Variants in ALDH3A2 observed in about 807,000 individuals in gnomAD.
ALDH3A2 encodes the protein aldehyde dehydrogenase family 3 member A2.
In ALDH3A2, 36 loss-of-function variants were observed where a neutral mutation model predicts 51.3. The ratio of observed to expected loss-of-function variants is 0.70; its 90% CI spans 0.54 to 0.93. The LOEUF is 0.93. ALDH3A2 is among the 40% of genes least tolerant of loss of function. The pLI, the probability that ALDH3A2 is intolerant of heterozygous loss-of-function variation, is 0.00. For missense variants in ALDH3A2, 552 were observed against 603.1 expected, an observed-to-expected ratio of 0.92 and a Z score of 0.89; for synonymous variants, 199 against 219.8, an observed-to-expected ratio of 0.91 and a Z score of 0.84.
chr17:19,671,600 A>C, intron 8 of ALDH3A2, 121 bp from the exon 9 acceptor site: 1 of 847,826 alleles, frequency 1.2e-6, no homozygotes, highest in Non-Finnish European at 2.0e-6. Flanking sequence ...CAGCTGGCAG[A>C]GATGTTCAGT....
chr17:19,658,290 A>G (rs887859653), intron 5 of ALDH3A2, among the ~76,000 whole-genome samples: 2 of 152,212 alleles, frequency 1.3e-5, no homozygotes, highest in African/African-American at 4.8e-5. Flanking sequence ...ACTTAATTAA[A>G]TAACTACTTA....
intron 1 of ALDH3A2, chr17:19,649,372 T>C: frequency 1.9e-6 from 1 of 526,712 alleles, no homozygotes; most frequent in South Asian, 2.8e-5. Flanking sequence ...TCCATTTTTC[T>C]GTTACATTTG....
At chr17:19,671,093 G>A (rs2085106936) in intron 8 of ALDH3A2, among the ~76,000 whole-genome samples, 1 of 152,228 alleles carries the variant, frequency 6.6e-6, no homozygotes, top group African/African-American at 2.4e-5. Flanking sequence ...CAATGAATTA[G>A]AGAAATGAAA....
In ALDH3A2 at chr17:19,662,425, TG is replaced by T. The variant is rs372538604; in HGVS notation, c.941-903del. On this transcript the variant is annotated intron_variant, in intron 6 of 9. Coordinates refer to ENST00000176643, the MANE Select transcript of ALDH3A2 (RefSeq NM_000382.3). The stretch of plus-strand genomic sequence containing the variant: ...ATTGCCAAGATAACCTATTAGAAAC[TG>T]GGGGTAAAGGAAAAGTGCCAACTTG... 1.1e-3 allele frequency among the ~76,000 whole-genome samples: 175 copies of T among 152,302 alleles called. 2 individuals carry two copies. In the East Asian group the frequency reaches 0.023, roughly 20 times the overall value.
At chr17:19,657,449 G>C (rs991787665) in intron 4 of ALDH3A2, among the ~76,000 whole-genome samples, 2 of 152,208 alleles carry the variant, frequency 1.3e-5, no homozygotes, top group African/African-American at 4.8e-5. Context: ...GACATTGGGA[G>C]GCTGTTTCTC....
chr17:19,657,579 T>A, intron 4 of ALDH3A2, 166 bp from the exon 5 acceptor site: 2 of 660,946 alleles, frequency 3.0e-6, no homozygotes, highest in South Asian at 3.5e-5. Context: ...ACTTTCTAAG[T>A]TCCAAACAAC....
chr17:19,653,561 C>T (rs951060206), intron 3 of ALDH3A2, among the ~76,000 whole-genome samples: 9 of 150,308 alleles, frequency 6.0e-5, no homozygotes, highest in African/African-American at 9.8e-5. Context: ...GCTCTTAAGG[C>T]GGCGCATCTG....
chr17:19,670,365 A>T (rs1319018925), intron 8 of ALDH3A2, among the ~76,000 whole-genome samples: 3 of 151,764 alleles, frequency 2.0e-5, no homozygotes, highest in Non-Finnish European at 2.9e-5. Flanking sequence ...AATTTCCTTC[A>T]TGTCAGTTTT....
intron 8 of ALDH3A2, among the ~76,000 whole-genome samples, chr17:19,671,373 C>T (rs1347885401): frequency 6.6e-6 from 1 of 152,222 alleles, no homozygotes; most frequent in South Asian, 2.1e-4. Context: ...CCCTTTCCCT[C>T]TCTGGAAATG....
At chr17:19,650,501 C>T (rs1346238291) in intron 1 of ALDH3A2, among the ~76,000 whole-genome samples, 1 of 151,682 alleles carries the variant, frequency 6.6e-6, no homozygotes, top group Non-Finnish European at 1.5e-5. Flanking sequence ...TCTCCCAGGC[C>T]GGACTGCAGT....
chr17:19,659,885 A>G (rs2084945465), intron 5 of ALDH3A2, among the ~76,000 whole-genome samples: 1 of 151,736 alleles, frequency 6.6e-6, no homozygotes, highest in Non-Finnish European at 1.5e-5. Context: ...CAGGAAGTTC[A>G]GGACAATAGT....
intron 3 of ALDH3A2, among the ~76,000 whole-genome samples, chr17:19,653,462 G>A (rs1261775345): frequency 1.3e-5 from 2 of 152,102 alleles, no homozygotes; most frequent in East Asian, 1.9e-4. Context: ...TCTGATGTTC[G>A]GACATGTTCG....
At chr17:19,648,649 C>T, upstream of ALDH3A2, 1 of 424,480 alleles carries the variant, frequency 2.4e-6, no homozygotes, top group South Asian at 2.5e-5. Flanking sequence ...CAGCCCGCTG[C>T]CAGAGCCGGG....
intron 3 of ALDH3A2, 80 bp downstream of exon 3, chr17:19,652,712 A>G (rs1422459203): frequency 1.6e-6 from 2 of 1,255,030 alleles, no homozygotes; most frequent in Non-Finnish European, 2.3e-6. Context: ...ATTGCATGTT[A>G]TTGCTGGCCG....
chr17:19,648,796 TG>T lies in ALDH3A2; in HGVS notation c.-174del. On this transcript the variant is annotated 5_prime_UTR_variant, in exon 1 of 10. Transcript: ENST00000176643. ...GACTGGCAGTGGGACTCAGCGGGCGTGGAGGTCGCGGCTGAGCGAGCGAGCC... is the reference window on the plus strand; with the variant it reads ...GACTGGCAGTGGGACTCAGCGGGCGTGAGGTCGCGGCTGAGCGAGCGAGCC... 1.2e-6 allele frequency: 1 copy of T among 836,670 alleles called. No individual in the cohort carries two copies. The highest frequency in any genetic ancestry group is 1.9e-6 in the Non-Finnish European group (1 of 540,088). 51.8% of individuals were successfully genotyped at this position (836,670 alleles called of 1,614,324 possible). A position where few individuals can be genotyped will look rare whatever the true frequency, so the allele number is the denominator to read the frequency against.
Position 19,660,573 on chromosome 17 carries a change from T to C in ALDH3A2, c.799-554T>C, listed in dbSNP as rs146271443. Among the ~76,000 whole-genome samples the C allele has an allele frequency of 6.3e-4, 96 of 152,360 alleles. 2 individuals are homozygous for C. Among genetic ancestry groups the C allele is most frequent in the South Asian group, 4.4e-3 (21 of 4,824 alleles). ...GTAATTTACCAAAGCTGTATTTTGATCCTTCGGGTGGTTTCACCATCATGT... is the reference window on the plus strand; with the variant it reads ...GTAATTTACCAAAGCTGTATTTTGACCCTTCGGGTGGTTTCACCATCATGT... On this transcript the variant is annotated intron_variant, in intron 5 of 9. Transcript: ENST00000176643.
At chr17:19,656,700 T>G (rs2152328397) in intron 4 of ALDH3A2, 126 bp downstream of exon 4, 1 of 977,890 alleles carries the variant, frequency 1.0e-6, no homozygotes, top group Non-Finnish European at 1.6e-6. Context: ...GCTTTGGTGG[T>G]TGATGTCCTC....
At chr17:19,666,660 C>G (rs919981845) in intron 8 of ALDH3A2, among the ~76,000 whole-genome samples, 5 of 151,874 alleles carry the variant, frequency 3.3e-5, no homozygotes, top group Non-Finnish European at 5.9e-5. Flanking sequence ...GCCTGTAGTC[C>G]CAGCTACCAG....
At chr17:19,649,159 G>T (rs2084779957) in intron 1 of ALDH3A2, 35 bp downstream of exon 1, 4 of 1,541,834 alleles carry the variant, frequency 2.6e-6, no homozygotes, top group Non-Finnish European at 3.5e-6. Flanking sequence ...GGGGAAACTG[G>T]CCCCCGCCGC....
Sources: gnomAD v4.1 joint callset for allele counts (sites outside exome capture counted in the v4.1 genomes callset) on GRCh38, gnomAD v4.1.1 for gene constraint, MANE v1.5 for transcripts, NCBI Gene and HGNC (gene_info 2026-07-23, HGNC 2026-07-21) for gene names.